Variants in GRID2 observed in about 807,000 individuals in gnomAD.
GRID2 encodes glutamate ionotropic receptor delta type subunit 2.
A neutral mutation model predicts 114.8 loss-of-function variants in GRID2; 33 were observed. The ratio of observed to expected loss-of-function variants is 0.29; its 90% confidence interval spans 0.22 to 0.38. GRID2 has a LOEUF of 0.38. Among genes scored for constraint, GRID2 ranks in the 10% least tolerant of loss-of-function variants. The pLI is 1.00. For missense variants in GRID2, 1,184 were observed against 1,257.7 expected (o/e 0.94, Z 0.89); for synonymous variants, 505 against 449.9 (o/e 1.12, Z -1.55).
chr4:92,757,462 C>T (rs771208113), intron 2 of GRID2, among the ~76,000 whole-genome samples: 1 of 152,162 alleles, frequency 6.6e-6, no homozygotes, highest in South Asian at 2.1e-4. Flanking sequence ...TCTCAGATGT[C>T]AGGGGCTGCT....
At chr4:92,680,014 A>G (rs551585733) in intron 2 of GRID2, among the ~76,000 whole-genome samples, 3 of 151,994 alleles carry the variant, frequency 2.0e-5, no homozygotes, top group Non-Finnish European at 2.9e-5. Flanking sequence ...ACTCAATTCA[A>G]CTTTCCTGGC....
At chr4:92,442,592 C>A (rs1579370243) in intron 1 of GRID2, among the ~76,000 whole-genome samples, 1 of 151,828 alleles carries the variant, frequency 6.6e-6, no homozygotes. Context: ...TTAATTAAAT[C>A]CTGTTGTGGG....
chr4:93,699,574 C>G (rs1267432011), intron 14 of GRID2, among the ~76,000 whole-genome samples: 1 of 151,984 alleles, frequency 6.6e-6, no homozygotes, highest in Non-Finnish European at 1.5e-5. Context: ...GTCCAAAGGT[C>G]ACATAGCTAG....
At chr4:92,669,333 A>C (rs2149274950) in intron 2 of GRID2, among the ~76,000 whole-genome samples, 1 of 152,070 alleles carries the variant, frequency 6.6e-6, no homozygotes, top group African/African-American at 2.4e-5. Flanking sequence ...ACAACCCTAA[A>C]ATATAACAAA....
At chr4:93,726,923 A>G (rs918011976) in intron 14 of GRID2, among the ~76,000 whole-genome samples, 4 of 152,328 alleles carry the variant, frequency 2.6e-5, no homozygotes, top group East Asian at 3.9e-4. Flanking sequence ...CAATCATGTC[A>G]TCTGCAAACA....
intron 4 of GRID2, among the ~76,000 whole-genome samples, chr4:93,162,987 A>G (rs183731680): frequency 8.3e-4 from 126 of 151,964 alleles, no homozygotes; most frequent in Non-Finnish European, 1.2e-3. Flanking sequence ...AGTTTTAGCA[A>G]CTCTTTTGAA....
At chr4:92,452,242 G>C (rs1720963425) in intron 1 of GRID2, among the ~76,000 whole-genome samples, 1 of 151,536 alleles carries the variant, frequency 6.6e-6, no homozygotes, top group South Asian at 2.1e-4. Flanking sequence ...ATATGGAAAT[G>C]TTCTCTATTA....
At chr4:92,804,274 CTATT>C (rs1280642054) in intron 2 of GRID2, among the ~76,000 whole-genome samples, 1 of 151,854 alleles carries the variant, frequency 6.6e-6, no homozygotes, top group Admixed American at 6.6e-5. Context: ...GAAAAATATT[CTATT>C]TAATTATTGT....
chr4:92,708,157 C>T (rs1281143301), intron 2 of GRID2, among the ~76,000 whole-genome samples: 2 of 152,118 alleles, frequency 1.3e-5, no homozygotes, highest in African/African-American at 4.8e-5. Context: ...AAGCACTGGA[C>T]TTCCCACAGT....
intron 2 of GRID2, among the ~76,000 whole-genome samples, chr4:93,011,462 A>G (rs1197576134): frequency 6.6e-6 from 1 of 151,978 alleles, no homozygotes; most frequent in African/African-American, 2.4e-5. Flanking sequence ...GAAATTGGTA[A>G]AGTTCTAATC....
intron 1 of GRID2, among the ~76,000 whole-genome samples, chr4:92,324,058 T>C (rs1726465295): frequency 6.6e-6 from 1 of 152,060 alleles, no homozygotes; most frequent in Admixed American, 6.6e-5. Flanking sequence ...CTCTACTATA[T>C]TGTATTAGAG....
chr4:93,597,831 G>C (rs1739254362), intron 13 of GRID2, among the ~76,000 whole-genome samples: 1 of 152,150 alleles, frequency 6.6e-6, no homozygotes, highest in Non-Finnish European at 1.5e-5. Flanking sequence ...TAGTCACTTA[G>C]TTCCTGTTAT....
chr4:93,667,541 T>G (rs1238229148), intron 14 of GRID2, among the ~76,000 whole-genome samples: 16 of 151,944 alleles, frequency 1.1e-4, no homozygotes, highest in Middle Eastern at 3.2e-3. Context: ...AAGAGAGGTC[T>G]GCAGATGGGT....
intron 14 of GRID2, among the ~76,000 whole-genome samples, chr4:93,656,445 T>C (rs1578491545): frequency 8.5e-6 from 1 of 118,030 alleles, no homozygotes; most frequent in Non-Finnish European, 1.9e-5. Context: ...TTTGAAAAAT[T>C]ATTGTCAGCT....
chr4:93,570,190 G>A (rs950012730), intron 13 of GRID2, among the ~76,000 whole-genome samples: 5 of 152,114 alleles, frequency 3.3e-5, no homozygotes, highest in Non-Finnish European at 7.3e-5. Context: ...GTCACACAAG[G>A]TCACTCAGTA....
At chr4:92,552,424 C>T (rs998101577) in intron 1 of GRID2, among the ~76,000 whole-genome samples, 1 of 151,968 alleles carries the variant, frequency 6.6e-6, no homozygotes, top group African/African-American at 2.4e-5. Context: ...GTGGGAAGTA[C>T]AATGGGTTAC....
At chr4:92,389,874 G>A (rs1323960383) in intron 1 of GRID2, among the ~76,000 whole-genome samples, 4 of 151,910 alleles carry the variant, frequency 2.6e-5, no homozygotes, top group Admixed American at 1.3e-4. Context: ...TATTAATGTG[G>A]GTAAGAACAC....
At chr4:93,667,416 C>G (rs1373796255) in intron 14 of GRID2, among the ~76,000 whole-genome samples, 1 of 150,446 alleles carries the variant, frequency 6.6e-6, no homozygotes, top group Non-Finnish European at 1.5e-5. Flanking sequence ...AATCTGTGCT[C>G]TTCATGGCCT....
At chr4:93,607,856 T>G (rs528699295) in intron 13 of GRID2, among the ~76,000 whole-genome samples, 154 of 152,200 alleles carry the variant, frequency 1.0e-3, no homozygotes, top group Middle Eastern at 6.8e-3. Flanking sequence ...ATTTTTATTT[T>G]GCACACGCTA....
Sources: gnomAD v4.1 joint callset for allele counts (sites outside exome capture counted in the v4.1 genomes callset) on GRCh38, gnomAD v4.1.1 for gene constraint, MANE v1.5 for transcripts, NCBI Gene and HGNC (gene_info 2026-07-23, HGNC 2026-07-21) for gene names.